The following OPHN1 variants were observed in gnomAD, a reference collection of about 807,000 sequenced individuals.
OPHN1 encodes oligophrenin-1.
OPHN1 carries 11 observed loss-of-function variants against 60.7 expected under a neutral mutation model. The observed-to-expected ratio is 0.18, with a 90% confidence interval of 0.11 to 0.30. The LOEUF is 0.30. Ranked by LOEUF, OPHN1 falls within the 10% of genes least tolerant of loss-of-function variation. The pLI, the probability that OPHN1 is intolerant of heterozygous loss-of-function variation, is 1.00. For missense variants in OPHN1, 449 were observed against 611.0 expected (o/e 0.73, Z 2.80); for synonymous variants, 226 against 222.6 (o/e 1.02, Z -0.14).
intron 5 of OPHN1, among the ~76,000 whole-genome samples, chrX:68,266,635 A>G (rs183083304): frequency 3.9e-4 from 44 of 111,665 alleles, no homozygotes; most frequent in Admixed American, 1.5e-3. Context: ...GAGCAAAATC[A>G]CTAGCTAACA....
chrX:68,205,742 A>T (rs1388296768), intron 10 of OPHN1, among the ~76,000 whole-genome samples: 2 of 111,683 alleles, frequency 1.8e-5, no homozygotes. Flanking sequence ...CTCCCTACCT[A>T]AATTGGGTCT....
chrX:68,221,952 T>G (rs1219543477), intron 6 of OPHN1, among the ~76,000 whole-genome samples: 5 of 105,378 alleles, frequency 4.7e-5, no homozygotes, highest in Non-Finnish European at 7.8e-5. Context: ...CTAAAGAGCT[T>G]CTGCACAGCA....
At chrX:68,406,381 G>A (rs1046932482) in intron 2 of OPHN1, among the ~76,000 whole-genome samples, 9 of 111,063 alleles carry the variant, frequency 8.1e-5, no homozygotes, top group African/African-American at 2.9e-4. Context: ...GGAGGCCGAG[G>A]TGGGCAGATC....
chrX:68,328,494 TAAA>T (rs765350107), intron 2 of OPHN1, among the ~76,000 whole-genome samples: 2 of 112,370 alleles, frequency 1.8e-5, no homozygotes, highest in Admixed American at 1.9e-4. Context: ...AAGAATTTCT[TAAA>T]TAAGATGCAA....
At chrX:68,328,558 C>A (rs2078279605) in intron 2 of OPHN1, among the ~76,000 whole-genome samples, 2 of 112,100 alleles carry the variant, frequency 1.8e-5, no homozygotes, top group Admixed American at 1.9e-4. Flanking sequence ...TTAAAAACTT[C>A]TGCATGACAA....
intron 15 of OPHN1, among the ~76,000 whole-genome samples, chrX:68,139,331 A>G (rs934181166): frequency 8.9e-6 from 1 of 112,056 alleles, no homozygotes; most frequent in Non-Finnish European, 1.9e-5. Flanking sequence ...TTATGGCTAT[A>G]TGTTTTTTAA....
Position 68,267,796 on chromosome X carries a change from T to G in OPHN1, c.384+6942A>C, listed in dbSNP as rs2077940223. On this transcript the variant is annotated intron_variant, in intron 5 of 24. Coordinates refer to ENST00000355520, the MANE Select transcript of OPHN1 (RefSeq NM_002547.3). ...ACTGATAGACCGCTAGCAAGACTAA[T>G]AAAGAATAAAAGAGAGAAGTATCAA... 2.7e-5 allele frequency among the ~76,000 whole-genome samples: 3 copies of G among 110,701 alleles called. No homozygotes were observed. In the Admixed American group the frequency reaches 2.9e-4, roughly 11 times the overall value.
chrX:68,219,874 G>C (rs2077642783), intron 6 of OPHN1, among the ~76,000 whole-genome samples: 1 of 95,582 alleles, frequency 1.0e-5, no homozygotes, highest in Admixed American at 1.2e-4. Context: ...AAAAGAAATA[G>C]AAAAGTAAGA....
chrX:68,152,835 T>G (rs776418923), intron 15 of OPHN1, among the ~76,000 whole-genome samples: 1 of 111,637 alleles, frequency 9.0e-6, no homozygotes, highest in East Asian at 2.8e-4. Flanking sequence ...TCATGTTGAC[T>G]TATTGAAGAA....
intron 2 of OPHN1, among the ~76,000 whole-genome samples, chrX:68,396,771 C>G (rs991181731): frequency 1.8e-5 from 2 of 111,187 alleles, no homozygotes; most frequent in African/African-American, 6.5e-5. Context: ...GCCGAGATCA[C>G]GCCACTGCAC....
chrX:68,116,941 G>A (rs977003753), intron 16 of OPHN1, among the ~76,000 whole-genome samples: 4 of 111,462 alleles, frequency 3.6e-5, no homozygotes, highest in East Asian at 5.7e-4. Flanking sequence ...TTGCCTGGAC[G>A]ACAGCCATAG....
intron 2 of OPHN1, among the ~76,000 whole-genome samples, chrX:68,400,805 T>G (rs1389866720): frequency 2.7e-5 from 3 of 109,945 alleles, no homozygotes; most frequent in African/African-American, 9.9e-5. Context: ...TTTCGCCATG[T>G]TGGCCAGGCT....
intron 15 of OPHN1, among the ~76,000 whole-genome samples, chrX:68,143,739 C>T (rs1354031263): frequency 9.0e-6 from 1 of 111,596 alleles, no homozygotes; most frequent in Non-Finnish European, 1.9e-5. Context: ...ACAAGCAATA[C>T]TGGAGGAATT....
At chrX:68,189,299 G>T (rs187929257) in intron 15 of OPHN1, among the ~76,000 whole-genome samples, 126 of 111,829 alleles carry the variant, frequency 1.1e-3, no homozygotes, top group Middle Eastern at 4.6e-3. Flanking sequence ...TAATAAGATA[G>T]TTATAGCTTG....
intron 18 of OPHN1, among the ~76,000 whole-genome samples, chrX:68,107,512 T>C (rs1224031326): frequency 8.9e-6 from 1 of 112,055 alleles, no homozygotes; most frequent in African/African-American, 3.2e-5. Flanking sequence ...GTACATAAGG[T>C]GGTTTGTTCC....
intron 15 of OPHN1, among the ~76,000 whole-genome samples, chrX:68,180,338 G>A (rs764290682): frequency 9.0e-6 from 1 of 111,637 alleles, no homozygotes; most frequent in African/African-American, 3.2e-5. Context: ...ACATTTTAAT[G>A]CTTAAAATTT....
At chrX:68,405,367 A>T (rs946691573) in intron 2 of OPHN1, among the ~76,000 whole-genome samples, 4 of 111,156 alleles carry the variant, frequency 3.6e-5, no homozygotes, top group African/African-American at 6.5e-5. Context: ...TTTTAAAAAA[A>T]TTTTTTAGAG....
chrX:68,230,074 T>A (rs2147518140), intron 6 of OPHN1, among the ~76,000 whole-genome samples: 1 of 111,097 alleles, frequency 9.0e-6, no homozygotes, highest in South Asian at 3.7e-4. Flanking sequence ...CAAGAAAAAA[T>A]CAAACAACCC....
intron 2 of OPHN1, among the ~76,000 whole-genome samples, chrX:68,397,568 G>A (rs1485338479): frequency 3.6e-5 from 3 of 84,068 alleles, no homozygotes; most frequent in Admixed American, 3.5e-4. Flanking sequence ...TGTTGCCCCA[G>A]TTGGAGTGCA....
Sources: gnomAD v4.1 joint callset for allele counts (sites outside exome capture counted in the v4.1 genomes callset) on GRCh38, gnomAD v4.1.1 for gene constraint, MANE v1.5 for transcripts, NCBI Gene and HGNC (gene_info 2026-07-23, HGNC 2026-07-21) for gene names.